Variants in RAPGEF2 observed in about 807,000 individuals in gnomAD.
The protein encoded by RAPGEF2 is PDZ domain containing guanine nucleotide exchange factor (GEF) 1.
RAPGEF2 carries 54 observed loss-of-function variants against 186.7 expected under a neutral mutation model. That is an observed-to-expected ratio of 0.29 (90% confidence interval 0.23 to 0.36). The LOEUF (loss-of-function observed/expected upper bound fraction) is 0.36, where lower values mean the gene tolerates loss of function less well. RAPGEF2 is among the 10% of genes least tolerant of loss of function. The pLI is 1.00. For missense variants in RAPGEF2, 1,532 were observed against 2,045.0 expected, an observed-to-expected ratio of 0.75 and a Z score of 4.84; for synonymous variants, 712 against 705.9, an observed-to-expected ratio of 1.01 and a Z score of -0.14.
Position 159,304,566 on chromosome 4 carries a change from A to G in RAPGEF2, c.675+93A>G, listed in dbSNP as rs886674496. ...CTGATAGAATCTATAAAATAAATAT[A>G]TGTGTATATTACATGTGCATGTAAG... is the stretch of plus-strand genomic sequence containing the variant. On this transcript the variant is annotated intron_variant, in intron 8 of 29. Transcript: ENST00000691494. The G allele has an allele frequency of 1.1e-5, 13 of 1,204,044 alleles. No homozygotes were observed. In the Admixed American group the frequency reaches 1.4e-4, roughly 13 times the overall value. 74.6% of individuals were successfully genotyped at this position (1,204,044 alleles called of 1,614,324 possible).
intron 7 of RAPGEF2, among the ~76,000 whole-genome samples, chr4:159,284,280 C>T (rs772931821): frequency 1.3e-5 from 2 of 152,108 alleles, no homozygotes; most frequent in South Asian, 2.1e-4. Flanking sequence ...ACTCTACTCT[C>T]GTGTAAGCCA....
chr4:159,168,091 A>G (rs1174322944), intron 1 of RAPGEF2, among the ~76,000 whole-genome samples: 1 of 152,208 alleles, frequency 6.6e-6, no homozygotes, highest in African/African-American at 2.4e-5. Flanking sequence ...CATTACTCAA[A>G]ACAGGTTTAG....
At position 159,323,453 on chromosome 4, in the gene RAPGEF2, G is replaced by A; in HGVS notation, c.991-6G>A. The A allele has an allele frequency of 6.3e-7, 1 of 1,588,484 alleles. No homozygotes were observed. Among genetic ancestry groups the A allele is most frequent in the East Asian group, 2.3e-5 (1 of 43,658 alleles). ...TTTCTGCTTTGTCTTTATTTTTTTGGATTAGCTGGACTCCTGGTCAGTGAT... is the reference window on the plus strand; with the variant it reads ...TTTCTGCTTTGTCTTTATTTTTTTGAATTAGCTGGACTCCTGGTCAGTGAT... On this transcript the variant is annotated splice_region_variant and splice_polypyrimidine_tract_variant and intron_variant, in intron 10 of 29. Transcript: ENST00000691494.
chr4:159,259,807 A>C (rs1406386123), intron 7 of RAPGEF2, among the ~76,000 whole-genome samples: 2 of 152,154 alleles, frequency 1.3e-5, no homozygotes, highest in Admixed American at 1.3e-4. Flanking sequence ...GAAAAATATA[A>C]GTAAATCAAA....
rs1011001360 is a variant in RAPGEF2, at chr4:159,344,185, G to A, written c.3278+126G>A. ...TTTTTTCCTTAACCCTCGTGCTGTA[G>A]CAGAATTTCAGATGGCAAATTGACT... is the stretch of plus-strand genomic sequence containing the variant. On this transcript the variant is annotated intron_variant, in intron 23 of 29. Coordinates refer to ENST00000691494, the MANE Select transcript of RAPGEF2 (RefSeq NM_001394067.2). 18 of 988,010 alleles carry A rather than the reference G, an allele frequency of 1.8e-5. No individual in the cohort carries two copies. In the African/African-American group the frequency reaches 2.4e-4, roughly 13 times the overall value. The allele number at this position is 988,010 out of a possible 1,614,324, so 61.2% of individuals were successfully genotyped here. A position where few individuals can be genotyped will look rare whatever the true frequency, so the allele number is the denominator to read the frequency against.
chr4:159,226,187 A>G lies in RAPGEF2; in HGVS notation c.282-12622A>G, dbSNP rs542224290. ...TATGAGGTAAAGGGTTGAGGTTTAC[A>G]TTTCTTCCTACAGATATTCAGTTGT... On this transcript the variant is annotated intron_variant, in intron 4 of 29. Transcript: ENST00000691494. Among the ~76,000 whole-genome samples the G allele has an allele frequency of 2.0e-5, 3 of 152,278 alleles. No homozygotes were observed. The South Asian group carries it at 6.2e-4, about 32-fold the overall frequency.
At chr4:159,338,168 T>G in intron 17 of RAPGEF2, 143 bp from the exon 18 acceptor site, 2 of 666,636 alleles carry the variant, frequency 3.0e-6, no homozygotes, top group Non-Finnish European at 4.8e-6. Context: ...GCTTTTGCAG[T>G]TTTCAACCAA....
At chr4:159,224,698 G>T (rs1199039346) in intron 4 of RAPGEF2, among the ~76,000 whole-genome samples, 4 of 152,158 alleles carry the variant, frequency 2.6e-5, no homozygotes, top group African/African-American at 9.7e-5. Flanking sequence ...AAATCGATGT[G>T]TAACTGTTTT....
chr4:159,332,103 GAAAGCATATATGGTA>G, intron 16 of RAPGEF2, 69 bp downstream of exon 16: 3 of 1,010,946 alleles, frequency 3.0e-6, no homozygotes, highest in Non-Finnish European at 4.4e-6. Context: ...AACATCATAA[GAAAGCATATATGGTA>G]AAAGCATAGA....
chr4:159,104,633 GA>G (rs1425012444), intron 1 of RAPGEF2, among the ~76,000 whole-genome samples: 3 of 151,820 alleles, frequency 2.0e-5, no homozygotes, highest in Non-Finnish European at 4.4e-5. Context: ...CGTGGCCTCT[GA>G]ATCTCAGGGG....
intron 7 of RAPGEF2, among the ~76,000 whole-genome samples, chr4:159,302,629 A>G (rs866046262): frequency 2.6e-5 from 4 of 152,196 alleles, no homozygotes; most frequent in African/African-American, 7.2e-5. Context: ...GCAAACTTCT[A>G]TCTTTGAATT....
In RAPGEF2 at chr4:159,186,191, A is replaced by G. The variant is rs528427556; in HGVS notation, c.70-451A>G. Among the ~76,000 whole-genome samples, 3 of 151,978 alleles carry G rather than the reference A, an allele frequency of 2.0e-5. No homozygotes were observed. In the East Asian group the frequency reaches 5.8e-4, roughly 29 times the overall value. On this transcript the variant is annotated intron_variant, in intron 1 of 29. Coordinates refer to ENST00000691494, the MANE Select transcript of RAPGEF2 (RefSeq NM_001394067.2). ...AGAAAATATTTCTATATAAGATGTA[A>G]TTTTGGTAAGAATTGAAAAAAATTG... is the stretch of plus-strand genomic sequence containing the variant.
chr4:159,344,154 T>C (rs1729946004), intron 23 of RAPGEF2, 95 bp downstream of exon 23: 3 of 1,399,264 alleles, frequency 2.1e-6, no homozygotes, highest in Non-Finnish European at 3.0e-6. Context: ...CTTTGCATTT[T>C]TGCATTTTTT....
At chr4:159,245,380 C>G (rs1422444429) in intron 7 of RAPGEF2, among the ~76,000 whole-genome samples, 2 of 151,808 alleles carry the variant, frequency 1.3e-5, no homozygotes, top group African/African-American at 4.8e-5. Context: ...TTTCAAATTG[C>G]TAAAAAATAA....
intron 1 of RAPGEF2, among the ~76,000 whole-genome samples, chr4:159,163,399 T>C (rs1744928236): frequency 6.6e-6 from 1 of 152,022 alleles, no homozygotes. Context: ...GATGGAGAAT[T>C]ACTTTGCTTT....
Position 159,198,288 on chromosome 4 carries a change from TTC to T in RAPGEF2, c.197+5034_197+5035del, listed in dbSNP as rs1469913914. On this transcript the variant is annotated intron_variant, in intron 3 of 29. Coordinates refer to ENST00000691494, the MANE Select transcript of RAPGEF2 (RefSeq NM_001394067.2). ...TTTCTTTCCTTCTTTCTTTCTTTCT[TTC>T]TTTCTTTCTTTCTTTCTTTCTTTCT... Among the ~76,000 whole-genome samples, 12 of 18,152 alleles carry T rather than the reference TTC, an allele frequency of 6.6e-4. 1 individual carries two copies. Among genetic ancestry groups the T allele is most frequent in the Non-Finnish European group, 9.9e-4 (10 of 10,128 alleles). 11.9% of individuals were successfully genotyped at this position (18,152 alleles called of 152,430 possible).
At chr4:159,184,431 A>G (rs990355703) in intron 1 of RAPGEF2, among the ~76,000 whole-genome samples, 1 of 152,118 alleles carries the variant, frequency 6.6e-6, no homozygotes, top group African/African-American at 2.4e-5. Flanking sequence ...AATGATCACC[A>G]TTCTAACTGG....
At chr4:159,346,082 T>A (rs1482489691) in intron 24 of RAPGEF2, among the ~76,000 whole-genome samples, 1 of 152,224 alleles carries the variant, frequency 6.6e-6, no homozygotes, top group African/African-American at 2.4e-5. Flanking sequence ...GTTCAAATCC[T>A]GTTTGTCTCC....
intron 1 of RAPGEF2, among the ~76,000 whole-genome samples, chr4:159,138,186 A>G (rs910422166): frequency 2.0e-5 from 3 of 152,162 alleles, no homozygotes; most frequent in Non-Finnish European, 4.4e-5. Flanking sequence ...TACCACCCCT[A>G]CGTTGCTGAA....
Sources: allele counts gnomAD v4.1 joint callset (sites outside exome capture counted in the v4.1 genomes callset), GRCh38; gene constraint gnomAD v4.1.1; transcripts MANE v1.5; gene names NCBI Gene and HGNC (gene_info 2026-07-23, HGNC 2026-07-21).